DMRT1: variants seen among roughly 807,000 people sequenced by gnomAD.
The protein encoded by DMRT1 is doublesex- and mab-3-related transcription factor 1.
A neutral mutation model predicts 32.3 loss-of-function variants in DMRT1; 7 were observed. That is an observed-to-expected ratio of 0.22 (90% CI 0.12 to 0.41). The LOEUF (loss-of-function observed/expected upper bound fraction) is 0.41, where lower values mean the gene tolerates loss of function less well. DMRT1 is among the 10% of genes least tolerant of loss of function. The pLI, the probability that DMRT1 is intolerant of heterozygous loss-of-function variation, is 1.00. For synonymous variants in DMRT1, 278 were observed against 206.1 expected (o/e 1.35, Z -2.99); for missense variants, 625 against 500.5 (o/e 1.25, Z -2.37).
chr9:940,261 C>T (rs1423998856), intron 4 of DMRT1, among the ~76,000 whole-genome samples: 1 of 152,108 alleles, frequency 6.6e-6, no homozygotes, highest in Non-Finnish European at 1.5e-5. Flanking sequence ...TACTTGTACA[C>T]CAAACCTCAC....
At chr9:956,250 T>C (rs992988272) in intron 4 of DMRT1, among the ~76,000 whole-genome samples, 3 of 152,140 alleles carry the variant, frequency 2.0e-5, no homozygotes, top group African/African-American at 7.2e-5. Flanking sequence ...AGTAGAATGG[T>C]GGTTGCCAGG....
intron 4 of DMRT1, among the ~76,000 whole-genome samples, chr9:950,748 C>T (rs1020402288): frequency 2.6e-5 from 4 of 152,208 alleles, no homozygotes; most frequent in African/African-American, 9.6e-5. Flanking sequence ...CTCCTAGCCC[C>T]GACTCATTAA....
At chr9:842,810 G>T (rs1339287743) in intron 1 of DMRT1, 2 of 152,400 alleles carry the variant, frequency 1.3e-5, no homozygotes. Flanking sequence ...GGGTCCCTGA[G>T]ATCCCTGATC....
intron 1 of DMRT1, among the ~76,000 whole-genome samples, chr9:845,101 C>T (rs1214981685): frequency 6.6e-6 from 1 of 152,206 alleles, no homozygotes; most frequent in Non-Finnish European, 1.5e-5. Flanking sequence ...GGGTGCTTCA[C>T]TGTCATTTCA....
chr9:912,547 C>T (rs887565532), intron 3 of DMRT1, among the ~76,000 whole-genome samples: 4 of 152,096 alleles, frequency 2.6e-5, no homozygotes, highest in Admixed American at 1.3e-4. Context: ...AATAAGCACA[C>T]GCATGGATTT....
chr9:868,676 T>C (rs781010723), intron 2 of DMRT1, among the ~76,000 whole-genome samples: 1 of 152,214 alleles, frequency 6.6e-6, no homozygotes, highest in Non-Finnish European at 1.5e-5. Flanking sequence ...ATGTTGTTTA[T>C]GAATTGCAGA....
At chr9:886,814 G>A (rs1201483557) in intron 2 of DMRT1, among the ~76,000 whole-genome samples, 1 of 152,204 alleles carries the variant, frequency 6.6e-6, no homozygotes, top group Non-Finnish European at 1.5e-5. Flanking sequence ...ACACCCCAGT[G>A]TTGAAGCAAA....
In DMRT1 at chr9:864,821, A is replaced by G. The variant is rs140377480; in HGVS notation, c.538+17678A>G. ...GCCAGCCAGTATTCTTTTAACTTCT[A>G]TTCCTCAGTTCAATTTTAGCTATGA... On this transcript the variant is annotated intron_variant, in intron 2 of 4. Transcript: ENST00000382276. Among the ~76,000 whole-genome samples the G allele has an allele frequency of 3.1e-3, 479 of 152,252 alleles. 2 individuals are homozygous for G. The highest frequency in any genetic ancestry group is 0.011 in the African/African-American group (446 of 41,556).
chr9:883,617 C>T (rs1816815679), intron 2 of DMRT1, among the ~76,000 whole-genome samples: 1 of 150,548 alleles, frequency 6.6e-6, no homozygotes, highest in Admixed American at 6.6e-5. Context: ...ATAGCCTGAC[C>T]CTGTCTCTAC....
intron 3 of DMRT1, among the ~76,000 whole-genome samples, chr9:898,890 A>T (rs1230875622): frequency 6.6e-6 from 1 of 152,180 alleles, no homozygotes; most frequent in Non-Finnish European, 1.5e-5. Flanking sequence ...AGCCATATTA[A>T]TTCTTACAGC....
At chr9:889,157 G>C (rs56216333) in intron 2 of DMRT1, among the ~76,000 whole-genome samples, 10,379 of 152,072 alleles carry the variant, frequency 0.068, 1,010 homozygotes, top group African/African-American at 0.22. Flanking sequence ...CATGTAGCTT[G>C]ACAGATATTA....
intron 2 of DMRT1, among the ~76,000 whole-genome samples, chr9:847,869 ATTCGG>A (rs1186185050): frequency 1.3e-5 from 2 of 152,218 alleles, no homozygotes; most frequent in Non-Finnish European, 2.9e-5. Flanking sequence ...AAATGAAAAC[ATTCGG>A]TTTCTTCATT....
At position 962,648 on chromosome 9, in the gene DMRT1, C is replaced by T. The variant is rs1465256326; in HGVS notation, c.968-5337C>T. Among the ~76,000 whole-genome samples the T allele has an allele frequency of 2.0e-5, 3 of 152,218 alleles. No individual in the cohort carries two copies. In the South Asian group the frequency reaches 6.2e-4, roughly 32 times the overall value. ...GGTGGAGGTGGCATTGGAGAAGGAACGCCTGGCCGTGAGCTAATTTTGCTT... is the reference window on the plus strand; with the variant it reads ...GGTGGAGGTGGCATTGGAGAAGGAATGCCTGGCCGTGAGCTAATTTTGCTT... On this transcript the variant is annotated intron_variant, in intron 4 of 4. Coordinates refer to ENST00000382276, the MANE Select transcript of DMRT1 (RefSeq NM_021951.3).
At position 911,481 on chromosome 9, in the gene DMRT1, T is replaced by TTTG. The variant is rs1564245172; in HGVS notation, c.823-5280_823-5279insGTT. ...TCTGGGTTAATTGCATTTTTTTTTT[T>TTTG]TTTTTTTTTTTTTTTTTTTTTTTTT... is the stretch of plus-strand genomic sequence containing the variant. On this transcript the variant is annotated intron_variant, in intron 3 of 4. Coordinates refer to ENST00000382276, the MANE Select transcript of DMRT1 (RefSeq NM_021951.3). 6.6e-3 allele frequency among the ~76,000 whole-genome samples: 418 copies of TTTG among 62,868 alleles called. 7 individuals are homozygous for TTTG. The highest frequency in any genetic ancestry group is 0.035 in the African/African-American group (402 of 11,646). The allele number at this position is 62,868 out of a possible 152,430, so 41.2% of individuals were successfully genotyped here. A position where few individuals can be genotyped will look rare whatever the true frequency, so the allele number is the denominator to read the frequency against.
At chr9:900,334 G>T (rs73378435) in intron 3 of DMRT1, among the ~76,000 whole-genome samples, 1 of 151,934 alleles carries the variant, frequency 6.6e-6, no homozygotes, top group Non-Finnish European at 1.5e-5. Context: ...CTTGTCCGCC[G>T]TAAGGAGCAG....
intron 4 of DMRT1, among the ~76,000 whole-genome samples, chr9:935,703 G>A (rs1818863992): frequency 6.6e-6 from 1 of 152,176 alleles, no homozygotes. Context: ...TTGTTACAGC[G>A]CTAAATGGAC....
chr9:911,526 T>A (rs1294687267), intron 3 of DMRT1, among the ~76,000 whole-genome samples: 2 of 133,478 alleles, frequency 1.5e-5, no homozygotes, highest in African/African-American at 5.4e-5. Flanking sequence ...GGAGTCGCAC[T>A]CTGTCGCCCA....
intron 2 of DMRT1, among the ~76,000 whole-genome samples, chr9:878,189 C>T (rs1370581689): frequency 1.7e-5 from 2 of 118,264 alleles, no homozygotes; most frequent in African/African-American, 3.5e-5. Context: ...AGCCCTGGAA[C>T]TGCAGCTGCT....
chr9:926,299 A>G (rs1283274690), intron 4 of DMRT1, among the ~76,000 whole-genome samples: 1 of 152,212 alleles, frequency 6.6e-6, no homozygotes, highest in Admixed American at 6.5e-5. Flanking sequence ...AGAGAGAGTC[A>G]AGTGGAAGGG....
Sources: allele counts gnomAD v4.1 joint callset (sites outside exome capture counted in the v4.1 genomes callset), GRCh38; gene constraint gnomAD v4.1.1; transcripts MANE v1.5; gene names NCBI Gene and HGNC (gene_info 2026-07-23, HGNC 2026-07-21).